Variants in PIWIL1 observed in about 807,000 individuals in gnomAD.
PIWIL1 encodes the protein piwi-like protein 1.
A neutral mutation model predicts 114.4 loss-of-function variants in PIWIL1; 73 were observed. The observed-to-expected ratio is 0.64, with a 90% CI of 0.53 to 0.78. PIWIL1 has a LOEUF of 0.78. Ranked by LOEUF, PIWIL1 falls within the 30% of genes least tolerant of loss-of-function variation. The pLI is 0.00. For missense variants in PIWIL1, 723 were observed against 1,063.1 expected, an observed-to-expected ratio of 0.68 and a Z score of 4.45; for synonymous variants, 375 against 369.0, an observed-to-expected ratio of 1.02 and a Z score of -0.19.
chr12:130,377,214 G>A (rs973134581), downstream of PIWIL1, among the ~76,000 whole-genome samples: 8 of 152,296 alleles, frequency 5.3e-5, no homozygotes, highest in Middle Eastern at 3.4e-3. Context: ...TCCCAGTTTC[G>A]ATGATCCCCA....
At chr12:130,338,508 G>A (rs557954897) in intron 1 of PIWIL1, among the ~76,000 whole-genome samples, 8 of 25,728 alleles carry the variant, frequency 3.1e-4, no homozygotes, top group African/African-American at 9.2e-4. Context: ...CCGGGTGCGG[G>A]GGCGAGGTCC....
rs80000029 is a variant in PIWIL1 at position 130,343,084 on chromosome 12, G to T, written c.173G>T (p.Gly58Val). 1.9e-6 allele frequency: 3 copies of T among 1,613,124 alleles called. No individual in the cohort carries two copies. The highest frequency in any genetic ancestry group is 2.5e-6 in the Non-Finnish European group (3 of 1,179,328). ...GGACGGCAGAGAGGAACAGCAGGAGGAACAGCCAAGTCACAAGGTGAAGAG... is the reference window on the plus strand; with the variant it reads ...GGACGGCAGAGAGGAACAGCAGGAGTAACAGCCAAGTCACAAGGTGAAGAG... The part of the protein sequence containing the change: ...GRGRQRGTAG[G>V]TAKSQGLQIS... Residue 58 changes from glycine (G) to valine (V), a missense_variant, in exon 3 of 21, where the codon GGA becomes GTA. Coordinates refer to ENST00000245255, the MANE Select transcript of PIWIL1 (RefSeq NM_004764.5).
At chr12:130,339,225 G>A (rs1488027501) in intron 1 of PIWIL1, among the ~76,000 whole-genome samples, 1 of 152,118 alleles carries the variant, frequency 6.6e-6, no homozygotes, top group Non-Finnish European at 1.5e-5. Context: ...GGGTGCTGGC[G>A]GCCCGGCCCT....
At position 130,346,573 on chromosome 12, in the gene PIWIL1, C is replaced by G. The variant is rs757822744; in HGVS notation, c.520C>G (p.Leu174Val). ...DGTILFLPKR[L>V]QQKVTEVFSK... ...AACGATATTATTTTTACCTAAAAGA[C>G]TACAGCAAAAGGTTATTTGGGAAAA... is the stretch of plus-strand genomic sequence containing the variant. The change falls in exon 5 of 21, where the codon CTA becomes GTA. Residue 174 changes from leucine (L) to valine (V), a missense_variant. Transcript: ENST00000245255. 16 of 1,612,260 alleles carry G rather than the reference C, an allele frequency of 9.9e-6. No individual in the cohort carries two copies. Among genetic ancestry groups the G allele is most frequent in the African/African-American group, 1.3e-5 (1 of 74,990 alleles).
At chr12:130,353,938 AAAAG>A (rs1462248492) in intron 9 of PIWIL1, among the ~76,000 whole-genome samples, 2 of 152,110 alleles carry the variant, frequency 1.3e-5, no homozygotes, top group Non-Finnish European at 2.9e-5. Flanking sequence ...AAAAAAAAAA[AAAAG>A]AATGTCATTT....
At chr12:130,370,491 G>A (rs2073789171) in intron 19 of PIWIL1, among the ~76,000 whole-genome samples, 1 of 152,132 alleles carries the variant, frequency 6.6e-6, no homozygotes, top group African/African-American at 2.4e-5. Flanking sequence ...CAAGTATATG[G>A]GAGGTTATAG....
the PIWIL1 span, chr12:130,399,912 T>C: frequency 1.5e-6 from 2 of 1,361,284 alleles, no homozygotes; most frequent in Non-Finnish European, 2.0e-6. Flanking sequence ...AGGTACATGG[T>C]GAGTTTATTC....
the PIWIL1 span, chr12:130,396,193 A>G: frequency 2.6e-5 from 4 of 152,696 alleles, no homozygotes; most frequent in African/African-American, 9.6e-5. Flanking sequence ...GCACATGCAC[A>G]CACCCACACA....
intron 1 of PIWIL1, among the ~76,000 whole-genome samples, chr12:130,341,969 T>G (rs536349024): frequency 6.6e-6 from 1 of 152,244 alleles, no homozygotes; most frequent in Non-Finnish European, 1.5e-5. Flanking sequence ...TATTTAGATA[T>G]AACGTATATG....
At chr12:130,354,322 GA>G (rs1358806184) in intron 9 of PIWIL1, among the ~76,000 whole-genome samples, 3 of 152,034 alleles carry the variant, frequency 2.0e-5, no homozygotes, top group Non-Finnish European at 4.4e-5. Context: ...CAGTTTTTAG[GA>G]AAAAGATAGG....
rs201447253 is a variant in PIWIL1, at chr12:130,345,810, G to A, written c.248G>A (p.Arg83His). Residue 83 changes from arginine to histidine, a missense_variant, in exon 4 of 21, where the codon CGT becomes CAT. By Grantham distance (29) the Arg-to-His change is conservative. Coordinates refer to ENST00000245255, the MANE Select transcript of PIWIL1 (RefSeq NM_004764.5). Reference sequence around the variant, plus strand: ...TCGTTAGCAGAGAGAGGAGGTCGTCGTAGAGATTTTCATGATCTTGGTGTG... The same window carrying A: ...TCGTTAGCAGAGAGAGGAGGTCGTCATAGAGATTTTCATGATCTTGGTGTG... The part of the protein sequence containing the change: ...ELSLAERGGR[R>H]RDFHDLGVNT... 42 of 1,613,802 alleles carry A rather than the reference G, an allele frequency of 2.6e-5. No homozygotes were observed. The Middle Eastern group carries it at 4.9e-4, about 19-fold the overall frequency.
At chr12:130,341,876 A>G (rs1174064231) in intron 1 of PIWIL1, among the ~76,000 whole-genome samples, 1 of 152,234 alleles carries the variant, frequency 6.6e-6, no homozygotes, top group African/African-American at 2.4e-5. Flanking sequence ...TACCATCATG[A>G]TGTTGAAGAA....
At chr12:130,343,325 C>T (rs1487820654) in intron 3 of PIWIL1, among the ~76,000 whole-genome samples, 1 of 152,122 alleles carries the variant, frequency 6.6e-6, no homozygotes, top group African/African-American at 2.4e-5. Flanking sequence ...AAAATGGTTA[C>T]TCAGGATTGC....
intron 12 of PIWIL1, 115 bp downstream of exon 12, chr12:130,355,782 GT>G: frequency 1.4e-6 from 1 of 728,576 alleles, no homozygotes; most frequent in South Asian, 1.6e-5. Context: ...GAGTAAGGCA[GT>G]TTTTAAAGTT....
chr12:130,414,204 T>C, the PIWIL1 span: 1 of 1,614,178 alleles, frequency 6.2e-7, no homozygotes, highest in Middle Eastern at 1.6e-4. Context: ...CGGGTCGTAG[T>C]CAAAGAGAGC....
At chr12:130,358,614 C>T (rs1311595882) in intron 14 of PIWIL1, among the ~76,000 whole-genome samples, 1 of 152,290 alleles carries the variant, frequency 6.6e-6, no homozygotes. Flanking sequence ...TCCTCAAACT[C>T]AGCGAGTCTG....
At chr12:130,353,777 T>A (rs1441875322) in intron 9 of PIWIL1, among the ~76,000 whole-genome samples, 5 of 151,606 alleles carry the variant, frequency 3.3e-5, no homozygotes, top group African/African-American at 1.2e-4. Flanking sequence ...AAATATAAAA[T>A]TAGCCAGGCA....
chr12:130,385,819 GA>G, the PIWIL1 span, among the ~76,000 whole-genome samples: 1 of 152,176 alleles, frequency 6.6e-6, no homozygotes, highest in Non-Finnish European at 1.5e-5. Flanking sequence ...TAAAGCTGTT[GA>G]AAAATGTTAC....
chr12:130,350,241 G>T (rs1565944596), intron 9 of PIWIL1, among the ~76,000 whole-genome samples: 1 of 152,182 alleles, frequency 6.6e-6, no homozygotes, highest in Non-Finnish European at 1.5e-5. Flanking sequence ...AGGACAAGTA[G>T]GTTGGATAAC....
Sources: allele counts gnomAD v4.1 joint callset (sites outside exome capture counted in the v4.1 genomes callset), GRCh38; gene constraint gnomAD v4.1.1; transcripts MANE v1.5; gene names NCBI Gene and HGNC (gene_info 2026-07-23, HGNC 2026-07-21).